The following IREB2 variants were observed in gnomAD, a reference collection of about 807,000 sequenced individuals.
IREB2 encodes the protein iron responsive element binding protein 2, also known as iron-responsive element-binding protein 2.
Under a neutral mutation model 118.8 loss-of-function variants are expected in IREB2, and 39 were observed. The ratio of observed to expected loss-of-function variants is 0.33; its 90% CI spans 0.25 to 0.43. IREB2 has a LOEUF of 0.43. Ranked by LOEUF, IREB2 falls within the 20% of genes least tolerant of loss-of-function variation. IREB2 has a pLI of 1.00. For synonymous variants in IREB2, 372 were observed against 392.2 expected (o/e 0.95, Z 0.61); for missense variants, 900 against 1,147.3 (o/e 0.78, Z 3.11).
chr15:78,494,322 T>G, intron 20 of IREB2, 58 bp downstream of exon 20: 1 of 1,529,262 alleles, frequency 6.5e-7, no homozygotes, highest in Non-Finnish European at 8.9e-7. Flanking sequence ...TGTTCCCTTT[T>G]GTCAGTAACA....
At chr15:78,475,996 C>T (rs921807288) in intron 8 of IREB2, 192 bp from the exon 9 acceptor site, 1 of 420,230 alleles carries the variant, frequency 2.4e-6, no homozygotes, top group African/African-American at 2.0e-5. Flanking sequence ...TGACATTGGA[C>T]CAGTCTTCTC....
intron 18 of IREB2, 75 bp downstream of exon 18, chr15:78,490,836 T>C (rs905327024): frequency 6.6e-6 from 9 of 1,364,370 alleles, no homozygotes; most frequent in African/African-American, 4.4e-5. Flanking sequence ...ATTGGTCTTG[T>C]TCCTTTTTTC....
At chr15:78,443,382 G>C (rs2141445451) in intron 2 of IREB2, among the ~76,000 whole-genome samples, 1 of 152,310 alleles carries the variant, frequency 6.6e-6, no homozygotes, top group South Asian at 2.1e-4. Flanking sequence ...GGAGTGGGTG[G>C]TGAGTGAACC....
At chr15:78,487,684 CTA>C in intron 13 of IREB2, 47 bp from the exon 14 acceptor site, 1 of 983,560 alleles carries the variant, frequency 1.0e-6, no homozygotes, top group Non-Finnish European at 1.6e-6. Context: ...TGTCCTTTCT[CTA>C]TAAATGTTGT....
chr15:78,438,656 C>G, intron 1 of IREB2: 1 of 493,594 alleles, frequency 2.0e-6, no homozygotes, highest in Non-Finnish European at 3.6e-6. Context: ...CTTCCTGGCC[C>G]CCGTCAGCAA....
intron 6 of IREB2, 87 bp downstream of exon 6, chr15:78,470,688 C>CTTTT: frequency 2.5e-6 from 1 of 404,828 alleles, no homozygotes; most frequent in East Asian, 4.2e-5. Flanking sequence ...TTTTTCTTTT[C>CTTTT]CTTTTTTTTT....
intron 18 of IREB2, among the ~76,000 whole-genome samples, chr15:78,491,891 T>C (rs2051757510): frequency 6.6e-6 from 1 of 152,212 alleles, no homozygotes; most frequent in Admixed American, 6.5e-5. Context: ...TAAATATTTT[T>C]TTGGTTGTGA....
At chr15:78,449,780 T>C (rs2050992397) in intron 2 of IREB2, among the ~76,000 whole-genome samples, 1 of 152,148 alleles carries the variant, frequency 6.6e-6, no homozygotes, top group South Asian at 2.1e-4. Flanking sequence ...ATGCTTCCCG[T>C]ATACAAATAG....
intron 7 of IREB2, among the ~76,000 whole-genome samples, chr15:78,472,401 C>T (rs963546485): frequency 6.6e-6 from 1 of 150,722 alleles, no homozygotes; most frequent in South Asian, 2.1e-4. Context: ...GCATCTTGCT[C>T]TGTCACCCAG....
At chr15:78,491,865 T>C (rs1308282720) in intron 18 of IREB2, among the ~76,000 whole-genome samples, 4 of 152,200 alleles carry the variant, frequency 2.6e-5, no homozygotes, top group Non-Finnish European at 1.5e-5. Flanking sequence ...TGGTGAGAAA[T>C]AAGTTTCCTT....
intron 10 of IREB2, 99 bp from the exon 11 acceptor site, chr15:78,483,219 C>A: frequency 1.7e-6 from 1 of 589,370 alleles, no homozygotes; most frequent in South Asian, 2.4e-5. Flanking sequence ...AAAATAAATA[C>A]GAATATACTT....
intron 8 of IREB2, chr15:78,474,265 G>A (rs1236663900): frequency 6.6e-6 from 1 of 152,182 alleles, no homozygotes; most frequent in African/African-American, 2.4e-5. Flanking sequence ...TTTTTGGTTA[G>A]ATTATTGGTA....
intron 11 of IREB2, 88 bp downstream of exon 11, chr15:78,483,522 A>T: frequency 1.3e-6 from 1 of 748,170 alleles, no homozygotes; most frequent in Non-Finnish European, 2.4e-6. Context: ...AACTCAATTC[A>T]CTGCTATGTT....
intron 10 of IREB2, among the ~76,000 whole-genome samples, 184 bp from the exon 11 acceptor site, chr15:78,483,134 A>T (rs2051604369): frequency 1.3e-5 from 2 of 152,192 alleles, no homozygotes; most frequent in African/African-American, 2.4e-5. Context: ...TGTTTCGTAC[A>T]TTTAAATGTG....
intron 2 of IREB2, among the ~76,000 whole-genome samples, chr15:78,459,198 A>G (rs2568486): frequency 6.6e-6 from 1 of 152,130 alleles, no homozygotes; most frequent in East Asian, 1.9e-4. Flanking sequence ...TTTGTTTCAT[A>G]TATTTTACCA....
intron 2 of IREB2, among the ~76,000 whole-genome samples, chr15:78,457,921 T>C (rs1335476368): frequency 6.6e-6 from 1 of 152,142 alleles, no homozygotes; most frequent in African/African-American, 2.4e-5. Context: ...GTAATTCCCC[T>C]TGGTTTGGGG....
At chr15:78,456,554 T>A (rs909693819) in intron 2 of IREB2, among the ~76,000 whole-genome samples, 55 of 151,610 alleles carry the variant, frequency 3.6e-4, no homozygotes, top group African/African-American at 1.2e-3. Context: ...GTAGCTCAGC[T>A]ACTCTGGAGG....
chr15:78,477,966 A>T (rs930950062), intron 9 of IREB2, among the ~76,000 whole-genome samples: 1 of 151,546 alleles, frequency 6.6e-6, no homozygotes, highest in East Asian at 2.0e-4. Flanking sequence ...TCATACCCAT[A>T]ATTCCAGCCC....
At chr15:78,453,763 G>C (rs535002892) in intron 2 of IREB2, among the ~76,000 whole-genome samples, 1 of 152,154 alleles carries the variant, frequency 6.6e-6, no homozygotes, top group African/African-American at 2.4e-5. Flanking sequence ...TCCTCTAGAA[G>C]ATAAATAGAG....
Sources: gnomAD v4.1 joint callset for allele counts (sites outside exome capture counted in the v4.1 genomes callset) on GRCh38, gnomAD v4.1.1 for gene constraint, MANE v1.5 for transcripts, NCBI Gene and HGNC (gene_info 2026-07-23, HGNC 2026-07-21) for gene names.